The following FARS2 variants were observed in gnomAD, a reference collection of about 807,000 sequenced individuals.
FARS2 encodes phenylalanyl-tRNA synthetase 2, mitochondrial, also known as phenylalanine--tRNA ligase, mitochondrial.
FARS2 carries 40 observed loss-of-function variants against 46.4 expected under a neutral mutation model. The ratio of observed to expected loss-of-function variants is 0.86; its 90% CI spans 0.67 to 1.12. The LOEUF is 1.12. Ranked by LOEUF, FARS2 falls within the 50% of genes most tolerant of loss-of-function variation. The pLI, the probability that FARS2 is intolerant of heterozygous loss-of-function variation, is 0.00. For missense variants in FARS2, 513 were observed against 567.9 expected (o/e 0.90, Z 0.98); for synonymous variants, 234 against 214.9 (o/e 1.09, Z -0.78).
chr6:5,453,567 AG>A (rs1329216737), intron 4 of FARS2, among the ~76,000 whole-genome samples: 2 of 152,246 alleles, frequency 1.3e-5, no homozygotes, highest in African/African-American at 2.4e-5. Flanking sequence ...TCTTCTTACT[AG>A]TATAATAGGA....
chr6:5,726,316 G>T (rs554108866), intron 6 of FARS2, among the ~76,000 whole-genome samples: 1 of 152,284 alleles, frequency 6.6e-6, no homozygotes, highest in East Asian at 1.9e-4. Context: ...CTCACCAGCA[G>T]GCCCAGTGCC....
At chr6:5,468,050 G>A (rs1449710043) in intron 4 of FARS2, among the ~76,000 whole-genome samples, 1 of 152,148 alleles carries the variant, frequency 6.6e-6, no homozygotes, top group Non-Finnish European at 1.5e-5. Flanking sequence ...ATCAGAGTTG[G>A]AAGGGACCTG....
At chr6:5,308,776 C>T (rs1441141044) in intron 1 of FARS2, among the ~76,000 whole-genome samples, 1 of 152,128 alleles carries the variant, frequency 6.6e-6, no homozygotes, top group Non-Finnish European at 1.5e-5. Context: ...TTGGGCTGCT[C>T]TAACAAAATA....
chr6:5,656,328 G>A (rs1029190563), intron 6 of FARS2, among the ~76,000 whole-genome samples: 7 of 152,194 alleles, frequency 4.6e-5, no homozygotes, highest in Non-Finnish European at 7.3e-5. Context: ...TCTGCCACAC[G>A]TAACCTAGAA....
At chr6:5,709,980 C>T (rs1246874939) in intron 6 of FARS2, among the ~76,000 whole-genome samples, 1 of 152,172 alleles carries the variant, frequency 6.6e-6, no homozygotes, top group Non-Finnish European at 1.5e-5. Context: ...GCTACTTGTG[C>T]TGCCACGCAT....
chr6:5,342,582 GTC>G (rs1771733288), intron 1 of FARS2, among the ~76,000 whole-genome samples: 1 of 151,938 alleles, frequency 6.6e-6, no homozygotes, highest in Non-Finnish European at 1.5e-5. Context: ...GAAAAACCCT[GTC>G]TCTACTAAAA....
chr6:5,751,448 C>T (rs1460449273), intron 6 of FARS2, among the ~76,000 whole-genome samples: 2 of 152,206 alleles, frequency 1.3e-5, no homozygotes, highest in East Asian at 3.8e-4. Context: ...TGTGAACTGC[C>T]TTTAACTCTG....
At chr6:5,425,138 G>A (rs146440321) in intron 3 of FARS2, among the ~76,000 whole-genome samples, 3 of 152,252 alleles carry the variant, frequency 2.0e-5, no homozygotes, top group Non-Finnish European at 2.9e-5. Flanking sequence ...TGAAAATAAT[G>A]CCAAACACCA....
rs1028229043 is a variant in FARS2 at position 5,727,435 on chromosome 6, G to A, written c.1218-43856G>A. On this transcript the variant is annotated intron_variant, in intron 6 of 6. Transcript: ENST00000274680. This position sits in a 1 kb window ranked among gnomAD's most constrained non-coding sequence, Gnocchi z 4.1. Reference sequence around the variant, plus strand: ...AGGCAGGGTGCTGACTGGCCAGAACGTAGGAAAGGCCAGGTCAGAGACTTT... The same window carrying A: ...AGGCAGGGTGCTGACTGGCCAGAACATAGGAAAGGCCAGGTCAGAGACTTT... Among the ~76,000 whole-genome samples, 10 of 152,218 alleles carry A rather than the reference G, an allele frequency of 6.6e-5. No homozygotes were observed. Among genetic ancestry groups the A allele is most frequent in the Non-Finnish European group, 8.8e-5 (6 of 68,036 alleles).
At chr6:5,750,943 A>G (rs1011244904) in intron 6 of FARS2, among the ~76,000 whole-genome samples, 19 of 152,128 alleles carry the variant, frequency 1.2e-4, no homozygotes, top group Non-Finnish European at 1.8e-4. Flanking sequence ...TAGACACCCA[A>G]TTGACTCAAC....
chr6:5,315,749 T>TCTTTCTTTCTTTTTTTCTTTCTTTCTTC (rs1554162063), intron 1 of FARS2, among the ~76,000 whole-genome samples: 1 of 149,540 alleles, frequency 6.7e-6, no homozygotes, highest in Non-Finnish European at 1.5e-5. Context: ...TTCCTTTCTT[T>TCTTTCTTTCTTTTTTTCTTTCTTTCTTC]CTTTCTTTCT....
intron 6 of FARS2, among the ~76,000 whole-genome samples, chr6:5,685,789 A>C (rs1322035897): frequency 6.6e-6 from 1 of 152,166 alleles, no homozygotes; most frequent in Non-Finnish European, 1.5e-5. Context: ...GGCTTCCTAG[A>C]AGAGGCCCAT....
intron 6 of FARS2, among the ~76,000 whole-genome samples, chr6:5,690,682 T>C (rs1212249379): frequency 6.6e-6 from 1 of 152,088 alleles, no homozygotes; most frequent in East Asian, 1.9e-4. Context: ...TGTCTTGGAG[T>C]TGCTCTTCTC....
intron 6 of FARS2, among the ~76,000 whole-genome samples, chr6:5,709,705 C>G (rs1455526130): frequency 2.8e-5 from 1 of 35,510 alleles, no homozygotes; most frequent in African/African-American, 1.1e-4. Flanking sequence ...TGTGCGCATG[C>G]ACGTGCATGT....
At chr6:5,691,503 G>A (rs183005752) in intron 6 of FARS2, among the ~76,000 whole-genome samples, 19 of 152,280 alleles carry the variant, frequency 1.2e-4, no homozygotes, top group Admixed American at 5.9e-4. Context: ...GCAGAACAGC[G>A]GATACTGGTG....
chr6:5,396,321 C>T (rs182014694), intron 2 of FARS2, among the ~76,000 whole-genome samples: 14 of 152,100 alleles, frequency 9.2e-5, no homozygotes, highest in Admixed American at 1.3e-4. Flanking sequence ...TTAATTTCAC[C>T]GTTATATATT....
At chr6:5,392,916 GTATATATACATATATGTGTGTGTGTATA>G in intron 2 of FARS2, among the ~76,000 whole-genome samples, 1 of 77,824 alleles carries the variant, frequency 1.3e-5, no homozygotes, top group Admixed American at 1.4e-4. Flanking sequence ...TTATATATAT[GTATATATACATATATGTGTGTGTGTATA>G]TATATATACA....
chr6:5,378,540 C>T (rs1759537269), intron 2 of FARS2, among the ~76,000 whole-genome samples: 1 of 152,170 alleles, frequency 6.6e-6, no homozygotes, highest in African/African-American at 2.4e-5. Context: ...GTAGTGAGCC[C>T]ATGGTTGTCT....
intron 5 of FARS2, among the ~76,000 whole-genome samples, chr6:5,557,381 GTCTA>G (rs1363669248): frequency 6.6e-6 from 1 of 152,124 alleles, no homozygotes; most frequent in Non-Finnish European, 1.5e-5. Context: ...TTACGACAAC[GTCTA>G]GAGACAGAAA....
Sources: allele counts gnomAD v4.1 joint callset (sites outside exome capture counted in the v4.1 genomes callset), GRCh38; gene constraint gnomAD v4.1.1; non-coding constraint Gnocchi (gnomAD v3.1); transcripts MANE v1.5; gene names NCBI Gene and HGNC (gene_info 2026-07-23, HGNC 2026-07-21).